ATP10D: variants seen among roughly 807,000 people sequenced by gnomAD.
The protein encoded by ATP10D is ATPase phospholipid transporting 10D (putative), also known as phospholipid-transporting ATPase VD.
In ATP10D, 89 loss-of-function variants were observed where a neutral mutation model predicts 144.8. The ratio of observed to expected loss-of-function variants is 0.61; its 90% CI spans 0.52 to 0.73. ATP10D has a LOEUF of 0.73. Among genes scored for constraint, ATP10D ranks in the 30% least tolerant of loss-of-function variants. The pLI is 0.00. For missense variants in ATP10D, 1,603 were observed against 1,714.8 expected (o/e 0.93, Z 1.15); for synonymous variants, 571 against 615.1 (o/e 0.93, Z 1.06).
In ATP10D at chr4:47,497,783, G is replaced by A. The variant is rs1715465319; in HGVS notation, c.-38+12264G>A. 2.0e-5 allele frequency among the ~76,000 whole-genome samples: 3 copies of A among 152,184 alleles called. No homozygotes were observed. In the South Asian group the frequency reaches 6.2e-4, roughly 32 times the overall value. ...ACAGCAGGATTATTGTATGTGAATT[G>A]CCACTAACTTGCTGTGTAATCTTGG... On this transcript the variant is annotated intron_variant, in intron 1 of 22. Coordinates refer to ENST00000273859, the MANE Select transcript of ATP10D (RefSeq NM_020453.4).
intron 22 of ATP10D, 111 bp from the exon 23 acceptor site, chr4:47,590,931 C>T: frequency 2.9e-6 from 2 of 686,446 alleles, no homozygotes; most frequent in Non-Finnish European, 4.6e-6. Context: ...ATTTCAGGAG[C>T]CAAGTGGCCA....
At chr4:47,530,360 A>G (rs530001665) in intron 5 of ATP10D, among the ~76,000 whole-genome samples, 2 of 152,264 alleles carry the variant, frequency 1.3e-5, no homozygotes, top group Non-Finnish European at 2.9e-5. Context: ...TTTTATCATG[A>G]AAGGATATTG....
chr4:47,577,713 T>A (rs1332018180), intron 19 of ATP10D, among the ~76,000 whole-genome samples: 2 of 152,200 alleles, frequency 1.3e-5, no homozygotes, highest in South Asian at 2.1e-4. Context: ...GTCCTTACAC[T>A]ACCTAGAACA....
At chr4:47,589,096 A>G (rs528341611) in intron 22 of ATP10D, among the ~76,000 whole-genome samples, 2 of 152,276 alleles carry the variant, frequency 1.3e-5, no homozygotes, top group African/African-American at 2.4e-5. Flanking sequence ...AGAAGGTACT[A>G]TGACTATGGG....
At chr4:47,569,204 G>T in intron 16 of ATP10D, 58 bp downstream of exon 16, 1 of 1,541,274 alleles carries the variant, frequency 6.5e-7, no homozygotes, top group Non-Finnish European at 8.8e-7. Flanking sequence ...ACCAGACACC[G>T]ATCCTTCTGT....
chr4:47,550,414 TAGA>T (rs1345897621), intron 10 of ATP10D, among the ~76,000 whole-genome samples: 2 of 151,598 alleles, frequency 1.3e-5, no homozygotes, highest in Non-Finnish European at 2.9e-5. Flanking sequence ...TGAATTTAAA[TAGA>T]GGAGAGAGAG....
At chr4:47,562,811 C>T (rs527621443) in intron 14 of ATP10D, among the ~76,000 whole-genome samples, 33 of 151,428 alleles carry the variant, frequency 2.2e-4, no homozygotes, top group Middle Eastern at 3.4e-3. Flanking sequence ...CACCAACAAA[C>T]GATTAAAGAA....
intron 1 of ATP10D, among the ~76,000 whole-genome samples, chr4:47,504,364 C>T (rs570910351): frequency 6.6e-6 from 1 of 152,250 alleles, no homozygotes; most frequent in East Asian, 1.9e-4. Flanking sequence ...GCAAAGAAAC[C>T]ACCAAAGATA....
chr4:47,578,475 C>T (rs972067584), intron 19 of ATP10D: 7 of 152,166 alleles, frequency 4.6e-5, no homozygotes, highest in South Asian at 2.1e-4. Context: ...ATCCCTCCAG[C>T]CTCTCATTTA....
At chr4:47,548,420 AC>A (rs1210497097) in intron 10 of ATP10D, among the ~76,000 whole-genome samples, 2 of 152,168 alleles carry the variant, frequency 1.3e-5, no homozygotes, top group African/African-American at 4.8e-5. Flanking sequence ...CTCTGTTTAC[AC>A]CGTCCCTCCG....
At chr4:47,557,588 T>G in intron 11 of ATP10D, 76 bp from the exon 12 acceptor site, 1 of 1,400,516 alleles carries the variant, frequency 7.1e-7, no homozygotes, top group East Asian at 2.3e-5. Context: ...ATATCTAATT[T>G]ATTTCCAGTT....
At chr4:47,569,395 T>TCAGACCC (rs60001377) in intron 16 of ATP10D, among the ~76,000 whole-genome samples, 67,085 of 151,332 alleles carry the variant, frequency 0.44, 15,240 homozygotes, top group East Asian at 0.69. Context: ...TAGTTCAGTG[T>TCAGACCC]CAGACCCCCA....
At chr4:47,528,290 C>A (rs990424930) in intron 5 of ATP10D, among the ~76,000 whole-genome samples, 1 of 151,966 alleles carries the variant, frequency 6.6e-6, no homozygotes, top group South Asian at 2.1e-4. Flanking sequence ...TTATTTCCCT[C>A]CATGTGTCCA....
At chr4:47,550,193 T>C (rs1287655710) in intron 10 of ATP10D, among the ~76,000 whole-genome samples, 1 of 152,170 alleles carries the variant, frequency 6.6e-6, no homozygotes, top group East Asian at 1.9e-4. Flanking sequence ...CTAGAGTGTC[T>C]TTGTCCACTA....
intron 1 of ATP10D, among the ~76,000 whole-genome samples, chr4:47,495,011 G>A (rs1430950617): frequency 1.3e-5 from 2 of 151,920 alleles, no homozygotes; most frequent in Non-Finnish European, 2.9e-5. Flanking sequence ...ATTATCTTTT[G>A]GTAAAAACAA....
Position 47,487,709 on chromosome 4 carries a change from C to T in ATP10D, c.-38+2190C>T, listed in dbSNP as rs10010745. ...AGCCATAGAAACAATACTTTTTTATCGCTTTGCAGAATAAGGACTAACAGT... is the reference window on the plus strand; with the variant it reads ...AGCCATAGAAACAATACTTTTTTATTGCTTTGCAGAATAAGGACTAACAGT... On this transcript the variant is annotated intron_variant, in intron 1 of 22. Transcript: ENST00000273859. 5.1e-3 allele frequency among the ~76,000 whole-genome samples: 782 copies of T among 152,188 alleles called. 5 individuals are homozygous for T. The highest frequency in any genetic ancestry group is 0.018 in the African/African-American group (745 of 41,522).
rs771029194 is a variant in ATP10D, at chr4:47,580,521, A to C, written c.3648+43A>C. The C allele has an allele frequency of 1.9e-6, 3 of 1,538,904 alleles. No individual in the cohort carries two copies. The African/African-American group carries it at 4.1e-5, about 21-fold the overall frequency. On this transcript the variant is annotated intron_variant, in intron 20 of 22. Transcript: ENST00000273859. Reference sequence around the variant, plus strand: ...CAGTATATTTGTTATTAATGAATCAATGATGCTTCTTTGTACTTTGCCACC... The same window carrying C: ...CAGTATATTTGTTATTAATGAATCACTGATGCTTCTTTGTACTTTGCCACC...
At chr4:47,520,149 C>G (rs920976787) in intron 3 of ATP10D, among the ~76,000 whole-genome samples, 3 of 152,206 alleles carry the variant, frequency 2.0e-5, no homozygotes, top group African/African-American at 7.2e-5. Flanking sequence ...ATGTCAAAAT[C>G]TGTCTCTCTT....
At chr4:47,558,376 C>G in intron 12 of ATP10D, 103 bp downstream of exon 12, 1 of 1,443,848 alleles carries the variant, frequency 6.9e-7, no homozygotes, top group African/African-American at 1.4e-5. Context: ...TATCTGGGGA[C>G]TAATCACATT....
Sources: gnomAD v4.1 joint callset for allele counts (sites outside exome capture counted in the v4.1 genomes callset) on GRCh38, gnomAD v4.1.1 for gene constraint, MANE v1.5 for transcripts, NCBI Gene and HGNC (gene_info 2026-07-23, HGNC 2026-07-21) for gene names.